The following MED12 variants were observed in gnomAD, a reference collection of about 807,000 sequenced individuals.
The protein encoded by MED12 is mediator complex subunit 12.
Under a neutral mutation model 177.7 loss-of-function variants are expected in MED12, and 10 were observed. That is an observed-to-expected ratio of 0.06 (90% CI 0.03 to 0.10). MED12 has a LOEUF of 0.10. MED12 is among the 10% of genes least tolerant of loss of function. MED12 has a pLI of 1.00. For missense variants in MED12, 867 were observed against 1,780.8 expected (o/e 0.49, Z 9.23); for synonymous variants, 641 against 678.4 (o/e 0.94, Z 0.86).
At chrX:71,133,561 T>G (rs752139308) in intron 33 of MED12, among the ~76,000 whole-genome samples, 15 of 110,555 alleles carry the variant, frequency 1.4e-4, no homozygotes, top group Non-Finnish European at 2.5e-4. Context: ...CTTGAACTCC[T>G]TACCTCAAAT....
At chrX:71,131,683 C>T (rs1350321515) in intron 29 of MED12, 62 bp downstream of exon 29, 7 of 1,078,216 alleles carry the variant, frequency 6.5e-6, no homozygotes, top group Admixed American at 4.5e-5. Context: ...GTCAGGGAGG[C>T]GGTCCACCAC....
In MED12 at chrX:71,122,806, T is replaced by G. The variant is rs1464836305; in HGVS notation, c.1417T>G (p.Phe473Val). The change falls in exon 10 of 45, where the codon TTC becomes GTC. Residue 473 changes from phenylalanine (F) to valine (V), a missense_variant. Transcript: ENST00000374080. ...LDSHSFERSD[F>V]SNSLDSLCNR... ...CAGCCATAGTTTTGAACGCTCTGAC[T>G]TCAGCAACTCTCTTGACTCCCTTTG... is the stretch of plus-strand genomic sequence containing the variant. The G allele has an allele frequency of 1.7e-6, 2 of 1,211,346 alleles. No homozygotes were observed. Among genetic ancestry groups the G allele is most frequent in the East Asian group, 5.9e-5 (2 of 33,850 alleles).
At position 71,128,175 on chromosome X, in the gene MED12, G is replaced by A. The variant is rs1030985261; in HGVS notation, c.3209+55G>A. ...CCATGCCCCCATCTGAGATAGGGAG[G>A]GCTGAGGTACCCGGGAGGTACTACA... is the stretch of plus-strand genomic sequence containing the variant. On this transcript the variant is annotated intron_variant, in intron 22 of 44. Transcript: ENST00000374080. 19 of 1,183,365 alleles carry A rather than the reference G, an allele frequency of 1.6e-5. No individual in the cohort carries two copies. The East Asian group carries it at 4.5e-4, about 28-fold the overall frequency.
intron 28 of MED12, 118 bp downstream of exon 28, chrX:71,130,332 T>C (rs888827320): frequency 2.6e-6 from 2 of 768,631 alleles, no homozygotes; most frequent in Non-Finnish European, 3.8e-6. Context: ...AACAAGGATA[T>C]AGGGGAGGGG....
rs778824705 is a variant in MED12, at chrX:71,137,061, A to T, written c.5551+32A>T. ...GCCAGCCACTAGGAATGCTGGAGGG[A>T]CCTACCTGTACACTCCCCCTGCCCA... On this transcript the variant is annotated intron_variant, in intron 38 of 44. Transcript: ENST00000374080. 11 of 1,183,774 alleles carry T rather than the reference A, an allele frequency of 9.3e-6. No homozygotes were observed. In the African/African-American group the frequency reaches 1.8e-4, roughly 19 times the overall value.
chrX:71,119,953 G>A (rs1333223343), intron 3 of MED12, 61 bp from the exon 4 acceptor site: 1 of 1,201,333 alleles, frequency 8.3e-7, no homozygotes, highest in Non-Finnish European at 1.1e-6. Flanking sequence ...CCCATATTAA[G>A]CTACATGGGT....
At chrX:71,132,676 A>C (rs2092320514) in intron 31 of MED12, 138 bp downstream of exon 31, 1 of 887,988 alleles carries the variant, frequency 1.1e-6, no homozygotes, top group Admixed American at 2.8e-5. Context: ...ATGGCTGAGC[A>C]AGAGGCTAGA....
Position 71,123,208 on chromosome X carries a change from G to A in MED12, c.1599G>A (p.Gln533=), listed in dbSNP as rs914308415. Residue 533 remains glutamine (Q), a synonymous_variant, in exon 11 of 45, where the codon CAG becomes CAA. Transcript: ENST00000374080. ...TAGCCAAGCTCCTGGAGAAGAGACAGGCGGAGATTGAGGCTGAGGTTAGAG... is the reference window on the plus strand; with the variant it reads ...TAGCCAAGCTCCTGGAGAAGAGACAAGCGGAGATTGAGGCTGAGGTTAGAG... ...MVVAKLLEKR[Q]AEIEAERCGE... 13 of 1,209,730 alleles carry A rather than the reference G, an allele frequency of 1.1e-5. No individual in the cohort carries two copies. Among genetic ancestry groups the A allele is most frequent in the South Asian group, 1.8e-5 (1 of 56,790 alleles).
Position 71,141,397 on chromosome X carries a change from T to C in MED12, c.6408+27T>C, listed in dbSNP as rs1223823598. The C allele has an allele frequency of 3.3e-5, 38 of 1,165,263 alleles. No individual in the cohort carries two copies. In the East Asian group the frequency reaches 1.2e-3, roughly 37 times the overall value. On this transcript the variant is annotated intron_variant, in intron 43 of 44. Coordinates refer to ENST00000374080, the MANE Select transcript of MED12 (RefSeq NM_005120.3). ...TAGCTGCTGGACTACAGCCCCAGGC[T>C]CAGGGACAGCTGCCCAGGTTGGGCA...
intron 11 of MED12, 87 bp downstream of exon 11, chrX:71,123,313 G>T: frequency 1.8e-6 from 2 of 1,121,049 alleles, no homozygotes; most frequent in South Asian, 1.9e-5. Flanking sequence ...GTGGTGGAGG[G>T]ACCAGAGTTG....
intron 32 of MED12, 54 bp downstream of exon 32, chrX:71,133,010 A>G (rs2092322614): frequency 1.5e-5 from 16 of 1,060,344 alleles, no homozygotes; most frequent in Non-Finnish European, 2.1e-5. Flanking sequence ...GGATGCACCT[A>G]AGGGGTTACT....
Position 71,122,277 on chromosome X carries a change from A to G in MED12, c.1179A>G (p.Pro393=), listed in dbSNP as rs1351231900. 8.3e-7 allele frequency: 1 copy of G among 1,211,504 alleles called. No individual in the cohort carries two copies. The highest frequency in any genetic ancestry group is 2.2e-5 in the Admixed American group (1 of 46,041). ...LTDSRIKTGS[P]LDHLPIAPSN... ...ATAGCAGAATTAAGACCGGCTCACC[A>G]CTTGACCACTTGCCTATTGCCCCGT... Residue 393 remains proline (P), a synonymous_variant, in exon 8 of 45, where the codon CCA becomes CCG. Coordinates refer to ENST00000374080, the MANE Select transcript of MED12 (RefSeq NM_005120.3).
Position 71,123,176 on chromosome X carries a change from A to G in MED12, c.1567A>G (p.Met523Val). 1 of 1,211,334 alleles carries G rather than the reference A, an allele frequency of 8.3e-7. No individual in the cohort carries two copies. Residue 523 changes from methionine (M) to valine (V), a missense_variant, in exon 11 of 45, where the codon ATG (methionine) becomes GTG (valine). Physicochemically the swap from Met to Val is conservative, Grantham distance 21. Around this residue, in one of 14 missense-constraint regions of MED12, gnomAD observed 309 missense variants for 556.3 expected, o/e 0.56. Transcript: ENST00000374080. ...CAAGCGTTCTGGTCGGCATCGTGCT[A>G]TGGTGGTAGCCAAGCTCCTGGAGAA... The part of the protein sequence containing the change: ...SCKRSGRHRA[M>V]VVAKLLEKRQ...
At chrX:71,129,622 T>G in intron 26 of MED12, 58 bp from the exon 27 acceptor site, 1 of 1,153,829 alleles carries the variant, frequency 8.7e-7, no homozygotes, top group Non-Finnish European at 1.2e-6. Context: ...CCAGGGTGGG[T>G]CTCCACACGT....
rs776762599 is a variant in MED12 at position 71,124,208 on chromosome X, G to A, written c.1794G>A (p.Leu598=). 5 of 1,209,508 alleles carry A rather than the reference G, an allele frequency of 4.1e-6. No individual in the cohort carries two copies. Among genetic ancestry groups the A allele is most frequent in the East Asian group, 5.9e-5 (2 of 33,755 alleles). ...SERVEFFNLV[L]LFCELIRHDV... is the part of the protein sequence containing the mutation. ...GGGTGGAATTCTTTAACTTAGTACT[G>A]CTGTTCTGTGAACTGATTCGACATG... is the stretch of plus-strand genomic sequence containing the variant. Residue 598 remains leucine, a synonymous_variant, in exon 13 of 45, where the codon CTG becomes CTA. Transcript: ENST00000374080.
chrX:71,134,256 A>G (rs2092326601), intron 33 of MED12, 101 bp from the exon 34 acceptor site: 3 of 462,045 alleles, frequency 6.5e-6, no homozygotes, highest in Admixed American at 7.8e-5. Flanking sequence ...AAAAAACTCA[A>G]GCATGAACTC....
chrX:71,136,646 C>G lies in MED12; in HGVS notation c.5391C>G (p.Thr1797=), dbSNP rs2092333228. The G allele has an allele frequency of 5.8e-6, 7 of 1,208,410 alleles. No individual in the cohort carries two copies. Among genetic ancestry groups the G allele is most frequent in the Non-Finnish European group, 7.8e-6 (7 of 894,695 alleles). The part of the protein sequence containing the change: ...TKGKKRSQPA[T]KTEDYGMGPG... ...GCAAGAAACGCAGCCAGCCAGCTAC[C>G]AAGACAGAGGTGAGCGCCTCCCCCG... Residue 1797 remains threonine (T), a synonymous_variant, in exon 37 of 45, where the codon ACC becomes ACG. Transcript: ENST00000374080.
chrX:71,123,278 T>TGCG (rs1303617954), intron 11 of MED12, 52 bp downstream of exon 11: 1 of 1,193,469 alleles, frequency 8.4e-7, no homozygotes. Context: ...AGGAATTTAC[T>TGCG]GCGGTTGGAG....
At position 71,129,161 on chromosome X, in the gene MED12, A is replaced by G. The variant is rs750415430; in HGVS notation, c.3523A>G (p.Ile1175Val). Residue 1175 changes from isoleucine to valine, a missense_variant, in exon 25 of 45, where the codon ATC becomes GTC. Transcript: ENST00000374080. ...GCCAGGGGCCCGGCTTACCTGCCGC[A>G]TCCTCCTTCACCTTTTCAAGACACC... ...SEPGARLTCR[I>V]LLHLFKTPQL... is the part of the protein sequence containing the mutation. 1.7e-6 allele frequency: 2 copies of G among 1,209,847 alleles called. No individual in the cohort carries two copies. The highest frequency in any genetic ancestry group is 1.1e-6 in the Non-Finnish European group (1 of 894,065).
Sources: allele counts gnomAD v4.1 joint callset (sites outside exome capture counted in the v4.1 genomes callset), GRCh38; gene constraint gnomAD v4.1.1; regional missense constraint gnomAD v4.1.1; transcripts MANE v1.5; gene names NCBI Gene and HGNC (gene_info 2026-07-23, HGNC 2026-07-21).